The following RIMS2 variants were observed in gnomAD, a reference collection of about 807,000 sequenced individuals.
RIMS2 encodes the protein regulating synaptic membrane exocytosis 2.
A neutral mutation model predicts 174.4 loss-of-function variants in RIMS2; 59 were observed. The observed-to-expected ratio is 0.34, with a 90% confidence interval of 0.27 to 0.42. RIMS2 has a LOEUF of 0.42. RIMS2 is among the 10% of genes least tolerant of loss of function. RIMS2 has a pLI of 1.00. For missense variants in RIMS2, 1,620 were observed against 1,666.3 expected (o/e 0.97, Z 0.48); for synonymous variants, 606 against 572.5 (o/e 1.06, Z -0.84).
At chr8:103,670,961 T>G (rs1458031653) in intron 1 of RIMS2, among the ~76,000 whole-genome samples, 3 of 152,208 alleles carry the variant, frequency 2.0e-5, no homozygotes, top group Non-Finnish European at 4.4e-5. Flanking sequence ...TTAGTCCATT[T>G]TCATGCTGTT....
chr8:104,185,380 T>A (rs2098962619), intron 19 of RIMS2, among the ~76,000 whole-genome samples: 1 of 151,562 alleles, frequency 6.6e-6, no homozygotes, highest in South Asian at 2.1e-4. Context: ...AAATAATATA[T>A]AGGTATTATT....
chr8:103,542,158 AT>A (rs1456406083), intron 1 of RIMS2, among the ~76,000 whole-genome samples: 2 of 152,188 alleles, frequency 1.3e-5, no homozygotes, highest in Admixed American at 1.3e-4. Flanking sequence ...AAGAAAAGAT[AT>A]TCCAACTCAG....
At chr8:103,825,232 G>A (rs1031056810) in intron 3 of RIMS2, among the ~76,000 whole-genome samples, 1 of 151,852 alleles carries the variant, frequency 6.6e-6, no homozygotes, top group Admixed American at 6.6e-5. Context: ...TTTATAGAAG[G>A]TAATCTTTTT....
At chr8:103,503,347 A>G (rs1287638432) in intron 1 of RIMS2, among the ~76,000 whole-genome samples, 1 of 151,944 alleles carries the variant, frequency 6.6e-6, no homozygotes, top group African/African-American at 2.4e-5. Context: ...AGACTTTATA[A>G]TGGAATTATA....
intron 3 of RIMS2, among the ~76,000 whole-genome samples, chr8:103,826,694 A>G (rs999880777): frequency 2.0e-5 from 3 of 149,094 alleles, no homozygotes; most frequent in Non-Finnish European, 4.5e-5. Context: ...TCAAATATAT[A>G]TATATGTATA....
At chr8:103,590,926 G>A (rs887981989) in intron 1 of RIMS2, among the ~76,000 whole-genome samples, 4 of 150,894 alleles carry the variant, frequency 2.7e-5, no homozygotes, top group African/African-American at 4.8e-5. Flanking sequence ...TTGCTGGATC[G>A]TAGGGCAGGT....
intron 3 of RIMS2, among the ~76,000 whole-genome samples, chr8:103,785,664 C>T (rs1261042254): frequency 1.3e-5 from 2 of 152,056 alleles, no homozygotes; most frequent in Admixed American, 6.5e-5. Flanking sequence ...CTGCTGGATT[C>T]GTTTAGCCAG....
intron 17 of RIMS2, among the ~76,000 whole-genome samples, chr8:103,989,649 A>G (rs2094562936): frequency 1.3e-5 from 2 of 152,112 alleles, no homozygotes; most frequent in South Asian, 2.1e-4. Flanking sequence ...TTCTCCTGCC[A>G]TTTTGTTTTT....
intron 2 of RIMS2, among the ~76,000 whole-genome samples, chr8:103,753,194 A>G (rs1378642786): frequency 6.6e-6 from 1 of 152,106 alleles, no homozygotes; most frequent in African/African-American, 2.4e-5. Flanking sequence ...TGAGATAATC[A>G]TGTGGTTTTT....
chr8:103,889,499 G>A (rs909726461), intron 4 of RIMS2, among the ~76,000 whole-genome samples: 1 of 151,608 alleles, frequency 6.6e-6, no homozygotes, highest in African/African-American at 2.4e-5. Flanking sequence ...AATAGCACCA[G>A]GGAACATTAT....
chr8:103,931,878 C>T (rs949027005), intron 12 of RIMS2, among the ~76,000 whole-genome samples: 4 of 152,036 alleles, frequency 2.6e-5, no homozygotes, highest in Admixed American at 6.6e-5. Context: ...CACCTTATAT[C>T]GTCAAGAAAA....
chr8:104,181,519 A>G (rs1182467940), intron 19 of RIMS2, among the ~76,000 whole-genome samples: 1 of 151,620 alleles, frequency 6.6e-6, no homozygotes, highest in Non-Finnish European at 1.5e-5. Flanking sequence ...CTTAAACTGT[A>G]CTACTGAGTC....
At chr8:103,557,166 A>G (rs1483092585) in intron 1 of RIMS2, among the ~76,000 whole-genome samples, 1 of 152,190 alleles carries the variant, frequency 6.6e-6, no homozygotes, top group Non-Finnish European at 1.5e-5. Flanking sequence ...ATTCTCAAAA[A>G]CCGATAGCTC....
chr8:103,923,932 A>T (rs1304906780), intron 10 of RIMS2, among the ~76,000 whole-genome samples: 1 of 151,748 alleles, frequency 6.6e-6, no homozygotes, highest in Non-Finnish European at 1.5e-5. Context: ...TTTTTCTCTT[A>T]GTAATATTGT....
intron 3 of RIMS2, among the ~76,000 whole-genome samples, chr8:103,815,495 A>G (rs1214076694): frequency 6.6e-6 from 1 of 152,174 alleles, no homozygotes; most frequent in Non-Finnish European, 1.5e-5. Context: ...TAAAGATTCT[A>G]ATAGAACATA....
chr8:103,888,019 A>G (rs2099216001), intron 4 of RIMS2, among the ~76,000 whole-genome samples: 1 of 151,572 alleles, frequency 6.6e-6, no homozygotes, highest in Non-Finnish European at 1.5e-5. Flanking sequence ...TTAGTCTGGA[A>G]GAAACAACAC....
chr8:103,786,616 T>C (rs895720436), intron 3 of RIMS2, among the ~76,000 whole-genome samples: 1 of 152,252 alleles, frequency 6.6e-6, no homozygotes, highest in Non-Finnish European at 1.5e-5. Context: ...TCTAGTTTGA[T>C]TGCACTGTGG....
rs1219455366 is a variant in RIMS2, at chr8:104,159,631, G to A, written c.3335-85285G>A. ...ATAATAGCCATTCTAATGAGTATGA[G>A]GGTGGTATCTCATTGTGGTTTGGAT... On this transcript the variant is annotated intron_variant, in intron 19 of 23. Transcript: ENST00000504942. Among the ~76,000 whole-genome samples the A allele has an allele frequency of 2.6e-5, 4 of 151,984 alleles. No homozygotes were observed. The East Asian group carries it at 5.8e-4, about 22-fold the overall frequency.
At chr8:103,821,198 G>C (rs957060796) in intron 3 of RIMS2, among the ~76,000 whole-genome samples, 1 of 151,610 alleles carries the variant, frequency 6.6e-6, no homozygotes, top group African/African-American at 2.4e-5. Context: ...CCCTATCACT[G>C]TGTACTTGCT....
Sources: gnomAD v4.1 joint callset for allele counts (sites outside exome capture counted in the v4.1 genomes callset) on GRCh38, gnomAD v4.1.1 for gene constraint, MANE v1.5 for transcripts, NCBI Gene and HGNC (gene_info 2026-07-23, HGNC 2026-07-21) for gene names.